PPL: variants seen among roughly 807,000 people sequenced by gnomAD.
PPL encodes the protein 190 kDa paraneoplastic pemphigus antigen.
PPL carries 198 observed loss-of-function variants against 194.4 expected under a neutral mutation model. That is an observed-to-expected ratio of 1.02 (90% CI 0.91 to 1.15). The LOEUF (loss-of-function observed/expected upper bound fraction) is 1.15. Among genes scored for constraint, PPL ranks in the 50% most tolerant of loss-of-function variants. The probability of loss-of-function intolerance (pLI) is 0.00; values close to 1 mark genes in which losing one functional copy is unlikely to be tolerated. For synonymous variants in PPL, 1,220 were observed against 972.4 expected, an observed-to-expected ratio of 1.25 and a Z score of -4.74; for missense variants, 2,885 against 2,294.8, an observed-to-expected ratio of 1.26 and a Z score of -5.25.
intron 20 of PPL, 145 bp from the exon 21 acceptor site, chr16:4,887,372 T>A: frequency 1.5e-6 from 1 of 666,484 alleles, no homozygotes; most frequent in Non-Finnish European, 2.7e-6. Context: ...TGCCTGGAGT[T>A]AGACTGTAGC....
chr16:4,897,850 G>T, intron 8 of PPL, 80 bp from the exon 9 acceptor site: 3 of 1,130,924 alleles, frequency 2.7e-6, no homozygotes, highest in East Asian at 2.5e-5. Flanking sequence ...ATATTGGGCT[G>T]GGGCATGGCG....
intron 1 of PPL, among the ~76,000 whole-genome samples, chr16:4,912,218 C>T (rs942040063): frequency 1.3e-5 from 2 of 152,218 alleles, no homozygotes; most frequent in South Asian, 2.1e-4. Context: ...ATTCCCCACC[C>T]GCTCCAGCCC....
At chr16:4,894,072 G>C (rs1315171457) in intron 12 of PPL, among the ~76,000 whole-genome samples, 1 of 152,192 alleles carries the variant, frequency 6.6e-6, no homozygotes, top group Admixed American at 6.5e-5. Context: ...TGACGCATAC[G>C]CTAGTCACTT....
intron 1 of PPL, among the ~76,000 whole-genome samples, chr16:4,930,031 A>G (rs2089207589): frequency 6.6e-6 from 1 of 152,130 alleles, no homozygotes; most frequent in Non-Finnish European, 1.5e-5. Context: ...AGGAAGAGTA[A>G]GTGGAATTGC....
intron 11 of PPL, 115 bp downstream of exon 11, chr16:4,895,146 C>A: frequency 7.7e-7 from 1 of 1,306,592 alleles, no homozygotes; most frequent in Non-Finnish European, 1.0e-6. Flanking sequence ...GGCAGAGTGA[C>A]ACCAACCACG....
intron 17 of PPL, 76 bp from the exon 18 acceptor site, chr16:4,890,410 T>G: frequency 1.4e-6 from 2 of 1,455,014 alleles, no homozygotes; most frequent in Non-Finnish European, 9.1e-7. Flanking sequence ...TTTTTTAAAG[T>G]GGGAAACAAC....
At chr16:4,936,899 C>A (rs1760586647) in intron 1 of PPL, 85 bp downstream of exon 1, 3 of 1,380,544 alleles carry the variant, frequency 2.2e-6, no homozygotes, top group South Asian at 2.5e-5. Context: ...ACCCCCCATT[C>A]CTACACTGCC....
At chr16:4,895,477 G>A (rs142286021) in intron 10 of PPL, 70 bp from the exon 11 acceptor site, 1 of 1,604,018 alleles carries the variant, frequency 6.2e-7, no homozygotes, top group Non-Finnish European at 8.5e-7. Flanking sequence ...ACGCAGAGCA[G>A]GGGCTGGATT....
intron 1 of PPL, among the ~76,000 whole-genome samples, chr16:4,917,574 C>A (rs536131971): frequency 6.6e-6 from 1 of 152,014 alleles, no homozygotes; most frequent in Non-Finnish European, 1.5e-5. Context: ...TAAAATCAAT[C>A]GTGGGGATGG....
rs748069425 is a variant in PPL, at chr16:4,891,998, C to T, written c.1829+37G>A. On this transcript the variant is annotated intron_variant, in intron 15 of 21. Coordinates refer to ENST00000345988, the MANE Select transcript of PPL (RefSeq NM_002705.5). ...GGGGATGCCCACCTGGCCCCCTGAC[C>T]CCACCCCAACCTCCATGCTGCCTGT... is the stretch of plus-strand genomic sequence containing the variant. 3 of 1,610,696 alleles carry T rather than the reference C, an allele frequency of 1.9e-6. No individual in the cohort carries two copies. In the African/African-American group the frequency reaches 4.0e-5, roughly 22 times the overall value.
chr16:4,903,862 G>T, intron 3 of PPL, 24 bp downstream of exon 3: 1 of 1,612,582 alleles, frequency 6.2e-7, no homozygotes, highest in South Asian at 1.1e-5. Context: ...GGCTCCCCTG[G>T]GGTAAGAAGC....
chr16:4,891,621 T>C, intron 16 of PPL, 190 bp downstream of exon 16: 1 of 646,696 alleles, frequency 1.5e-6, no homozygotes, highest in East Asian at 2.9e-5. Flanking sequence ...CGAAATCCCG[T>C]AAGTCACACA....
At chr16:4,917,664 G>A (rs1413544185) in intron 1 of PPL, among the ~76,000 whole-genome samples, 2 of 152,178 alleles carry the variant, frequency 1.3e-5, no homozygotes, top group East Asian at 1.9e-4. Flanking sequence ...ACTTTGGGAG[G>A]CCGAGGTGGG....
chr16:4,905,262 A>G (rs1422384594), intron 2 of PPL, among the ~76,000 whole-genome samples: 2 of 152,250 alleles, frequency 1.3e-5, no homozygotes, highest in Non-Finnish European at 2.9e-5. Flanking sequence ...ACTTAGCAAC[A>G]AAGAGCAGGA....
Position 4,883,170 on chromosome 16 carries a change from G to A in PPL, c.*214C>T, listed in dbSNP as rs2088132255. ...GTCCAGTCATTGGAGGATGAAGTAC[G>A]TCACTCAGGGTGAATGATGGTTGGG... On this transcript the variant is annotated 3_prime_UTR_variant, in exon 22 of 22. Coordinates refer to ENST00000345988, the MANE Select transcript of PPL (RefSeq NM_002705.5). This position sits in a 1 kb window ranked among gnomAD's most constrained non-coding sequence, Gnocchi z 4.8. 1.0e-5 allele frequency: 6 copies of A among 596,840 alleles called. No homozygotes were observed. Among genetic ancestry groups the A allele is most frequent in the Admixed American group, 3.1e-5 (1 of 32,026 alleles). 37.0% of individuals were successfully genotyped at this position (596,840 alleles called of 1,614,324 possible).
Position 4,899,356 on chromosome 16 carries a change from A to G in PPL, c.635T>C (p.Leu212Pro), listed in dbSNP as rs746735184. The G allele has an allele frequency of 1.9e-6, 3 of 1,610,586 alleles. No homozygotes were observed. The highest frequency in any genetic ancestry group is 8.5e-7 in the Non-Finnish European group (1 of 1,178,486). Residue 212 changes from leucine (L) to proline (P), a missense_variant, in exon 7 of 22, where the codon CTG becomes CCG. Physicochemically the swap from Leu to Pro is moderately conservative, Grantham distance 98 (BLOSUM62 -3). Coordinates refer to ENST00000345988, the MANE Select transcript of PPL (RefSeq NM_002705.5). ...CTGCATGTAGTCCTGCAGCGAACTCAGGTGCTGCTGCCGGGCCTGTGATGC... is the reference window on the plus strand; with the variant it reads ...CTGCATGTAGTCCTGCAGCGAACTCGGGTGCTGCTGCCGGGCCTGTGATGC... The part of the protein sequence containing the change: ...LAASQARQQH[L>P]SSLQDYMQRC...
At position 4,883,772 on chromosome 16, in the gene PPL, T is replaced by A; in HGVS notation, c.4883A>T (p.Asp1628Val). The A allele has an allele frequency of 6.2e-7, 1 of 1,614,096 alleles. No homozygotes were observed. Among genetic ancestry groups the A allele is most frequent in the East Asian group, 2.2e-5 (1 of 44,874 alleles). The change falls in exon 22 of 22, where the codon GAC becomes GTC. Residue 1628 changes from aspartate to valine, a missense_variant. Coordinates refer to ENST00000345988, the MANE Select transcript of PPL (RefSeq NM_002705.5). This position sits in a 1 kb window ranked among gnomAD's most constrained non-coding sequence, Gnocchi z 4.8. ...ELDDLKRLSKDKDLEIDELQK... is the reference protein window; with the variant it reads ...ELDDLKRLSKVKDLEIDELQK... ...CAGCTCGTCGATCTCGAGGTCTTTG[T>A]CCTTGGAGAGCCTCTTGAGGTCATC...
At chr16:4,887,754 C>T (rs2088241812) in intron 20 of PPL, among the ~76,000 whole-genome samples, 1 of 152,132 alleles carries the variant, frequency 6.6e-6, no homozygotes, top group Non-Finnish European at 1.5e-5. Flanking sequence ...AGGTTTGCAC[C>T]ACCACGCCTG....
intron 9 of PPL, among the ~76,000 whole-genome samples, chr16:4,897,332 CAAAAAAAAAAA>C (rs57191109): frequency 1.9e-5 from 1 of 53,428 alleles, no homozygotes; most frequent in Admixed American, 2.4e-4. Flanking sequence ...AAGACTCTCT[CAAAAAAAAAAA>C]AAAAAAAAAA....
Sources: allele counts gnomAD v4.1 joint callset (sites outside exome capture counted in the v4.1 genomes callset), GRCh38; gene constraint gnomAD v4.1.1; non-coding constraint Gnocchi (gnomAD v3.1); transcripts MANE v1.5; gene names NCBI Gene and HGNC (gene_info 2026-07-23, HGNC 2026-07-21).